Variants in EPHA7 observed in about 807,000 individuals in gnomAD.
EPHA7 encodes ephrin type-A receptor 7.
A neutral mutation model predicts 112.6 loss-of-function variants in EPHA7; 25 were observed. The ratio of observed to expected loss-of-function variants is 0.22; its 90% CI spans 0.16 to 0.31. The LOEUF is 0.31. EPHA7 is among the 10% of genes least tolerant of loss of function. EPHA7 has a pLI of 1.00. For synonymous variants in EPHA7, 437 were observed against 406.5 expected, an observed-to-expected ratio of 1.07 and a Z score of -0.90; for missense variants, 962 against 1,212.6, an observed-to-expected ratio of 0.79 and a Z score of 3.07.
intron 2 of EPHA7, among the ~76,000 whole-genome samples, chr6:93,413,607 T>C (rs1156495450): frequency 1.3e-5 from 2 of 151,926 alleles, no homozygotes; most frequent in African/African-American, 2.4e-5. Context: ...ACTCATGGAA[T>C]TTTTATATTT....
At chr6:93,278,165 A>G (rs1341282240) in intron 5 of EPHA7, among the ~76,000 whole-genome samples, 2 of 152,066 alleles carry the variant, frequency 1.3e-5, no homozygotes, top group African/African-American at 4.8e-5. Flanking sequence ...AGCACTTCTC[A>G]GAAAAATCTA....
intron 5 of EPHA7, among the ~76,000 whole-genome samples, chr6:93,313,692 A>C (rs1031428372): frequency 6.6e-5 from 10 of 152,054 alleles, no homozygotes; most frequent in African/African-American, 2.4e-4. Context: ...ATTTAAAAAA[A>C]TAAAAATAAG....
At chr6:93,417,442 C>T (rs1779296564) in intron 1 of EPHA7, among the ~76,000 whole-genome samples, 1 of 152,210 alleles carries the variant, frequency 6.6e-6, no homozygotes, top group Non-Finnish European at 1.5e-5. Flanking sequence ...ACCCCCGCGC[C>T]TTTTATACAT....
At chr6:93,383,433 T>A (rs915516136) in intron 3 of EPHA7, among the ~76,000 whole-genome samples, 2 of 152,008 alleles carry the variant, frequency 1.3e-5, no homozygotes, top group Non-Finnish European at 2.9e-5. Flanking sequence ...CTTAAAGTTA[T>A]GTGAGATTAA....
intron 5 of EPHA7, among the ~76,000 whole-genome samples, chr6:93,316,267 A>C (rs185263935): frequency 6.6e-6 from 1 of 152,284 alleles, no homozygotes; most frequent in East Asian, 1.9e-4. Context: ...ATTTATGTTT[A>C]AGAATAATTG....
At chr6:93,364,037 G>A (rs547915118) in intron 3 of EPHA7, among the ~76,000 whole-genome samples, 5 of 152,222 alleles carry the variant, frequency 3.3e-5, no homozygotes, top group Admixed American at 1.3e-4. Context: ...TTCAGGGGAT[G>A]GGGTAGTAAG....
chr6:93,304,638 G>C (rs1438149842), intron 5 of EPHA7, among the ~76,000 whole-genome samples: 3 of 152,070 alleles, frequency 2.0e-5, no homozygotes, highest in East Asian at 3.8e-4. Flanking sequence ...TTGTTTTATA[G>C]GAGGAGAATT....
intron 5 of EPHA7, among the ~76,000 whole-genome samples, chr6:93,277,544 T>C (rs952853157): frequency 2.3e-4 from 35 of 152,132 alleles, no homozygotes; most frequent in African/African-American, 7.7e-4. Flanking sequence ...TTATGAGCTA[T>C]TCTTTTGTGA....
At chr6:93,278,649 A>G (rs1771581644) in intron 5 of EPHA7, among the ~76,000 whole-genome samples, 1 of 152,032 alleles carries the variant, frequency 6.6e-6, no homozygotes, top group South Asian at 2.1e-4. Flanking sequence ...TTAGATAGAT[A>G]GACAGATGGA....
At chr6:93,413,265 T>C (rs1001144131) in intron 2 of EPHA7, among the ~76,000 whole-genome samples, 1 of 151,996 alleles carries the variant, frequency 6.6e-6, no homozygotes, top group African/African-American at 2.4e-5. Flanking sequence ...ATATTATGTG[T>C]TGATGTTTAC....
intron 15 of EPHA7, 98 bp from the exon 16 acceptor site, chr6:93,245,551 G>C (rs1023415571): frequency 7.9e-7 from 1 of 1,263,914 alleles, no homozygotes; most frequent in Non-Finnish European, 1.1e-6. Context: ...AACAAAATTA[G>C]ATGTTTTAAT....
chr6:93,354,176 T>C (rs1775827413), intron 5 of EPHA7, among the ~76,000 whole-genome samples: 1 of 152,046 alleles, frequency 6.6e-6, no homozygotes, highest in South Asian at 2.1e-4. Context: ...ATTTCAAGGG[T>C]TTTACAGGGT....
intron 3 of EPHA7, among the ~76,000 whole-genome samples, chr6:93,359,874 GAGATAGATAGAT>G (rs66894419): frequency 1.0e-4 from 13 of 127,932 alleles, no homozygotes; most frequent in African/African-American, 2.9e-4. Context: ...GAGAGAGAGA[GAGATAGATAGAT>G]AGATAGATAG....
intron 5 of EPHA7, among the ~76,000 whole-genome samples, chr6:93,304,608 G>T (rs1773157834): frequency 6.6e-6 from 1 of 152,090 alleles, no homozygotes. Flanking sequence ...AGATAAAAAT[G>T]ATTGCCTTAA....
At chr6:93,309,903 T>TGGCAAA (rs1773446424) in intron 5 of EPHA7, among the ~76,000 whole-genome samples, 1 of 152,178 alleles carries the variant, frequency 6.6e-6, no homozygotes. Context: ...TTTTGACTTT[T>TGGCAAA]TAAAATGGCA....
chr6:93,316,426 T>G (rs1039779556), intron 5 of EPHA7, among the ~76,000 whole-genome samples: 10 of 152,120 alleles, frequency 6.6e-5, no homozygotes, highest in Admixed American at 3.9e-4. Context: ...GTTTTCCCTG[T>G]GAGGTTACAT....
intron 14 of EPHA7, among the ~76,000 whole-genome samples, chr6:93,253,149 C>A (rs778927706): frequency 6.6e-6 from 1 of 151,966 alleles, no homozygotes; most frequent in Non-Finnish European, 1.5e-5. Context: ...GTAAATATTT[C>A]TCTTTCTCTG....
chr6:93,385,754 T>C (rs559099261), intron 3 of EPHA7, among the ~76,000 whole-genome samples: 107 of 152,226 alleles, frequency 7.0e-4, no homozygotes, highest in Admixed American at 9.8e-4. Context: ...GATAGATAAT[T>C]AGTCTATTTT....
chr6:93,403,403 T>C (rs957934767), intron 3 of EPHA7, among the ~76,000 whole-genome samples: 7 of 149,136 alleles, frequency 4.7e-5, no homozygotes, highest in Non-Finnish European at 1.0e-4. Flanking sequence ...AAAAATAGAA[T>C]CTTTAAGAGG....
Sources: allele counts gnomAD v4.1 joint callset (sites outside exome capture counted in the v4.1 genomes callset), GRCh38; gene constraint gnomAD v4.1.1; transcripts MANE v1.5; gene names NCBI Gene and HGNC (gene_info 2026-07-23, HGNC 2026-07-21).